Variants in SPAG16 observed in about 807,000 individuals in gnomAD.
The protein encoded by SPAG16 is sperm associated antigen 16, also known as sperm-associated antigen 16 protein.
A neutral mutation model predicts 80.4 loss-of-function variants in SPAG16; 86 were observed. The observed-to-expected ratio is 1.07, with a 90% confidence interval of 0.90 to 1.28. The LOEUF is 1.28. Ranked by LOEUF, SPAG16 falls within the 50% of genes most tolerant of loss-of-function variation. The pLI is 0.00. For synonymous variants in SPAG16, 294 were observed against 265.9 expected (o/e 1.11, Z -1.03); for missense variants, 870 against 765.3 (o/e 1.14, Z -1.61).
intron 8 of SPAG16, among the ~76,000 whole-genome samples, chr2:213,374,612 T>C (rs1199671651): frequency 6.6e-6 from 1 of 151,242 alleles, no homozygotes; most frequent in Non-Finnish European, 1.5e-5. Flanking sequence ...ACAATAATAT[T>C]TTATTAATAC....
chr2:213,439,158 C>A (rs2070798097), intron 9 of SPAG16, among the ~76,000 whole-genome samples: 1 of 152,146 alleles, frequency 6.6e-6, no homozygotes, highest in Admixed American at 6.5e-5. Context: ...CCCATGGTAA[C>A]TGTGAGATGA....
At chr2:213,411,038 T>C (rs1212577946) in intron 9 of SPAG16, among the ~76,000 whole-genome samples, 1 of 152,198 alleles carries the variant, frequency 6.6e-6, no homozygotes, top group Non-Finnish European at 1.5e-5. Context: ...TTCAAGAGCT[T>C]ATCAATCAGT....
At chr2:213,509,421 T>G (rs568320670) in intron 10 of SPAG16, among the ~76,000 whole-genome samples, 1 of 152,198 alleles carries the variant, frequency 6.6e-6, no homozygotes, top group South Asian at 2.1e-4. Flanking sequence ...TAGAGAGAAT[T>G]AAGGTCAAAA....
At chr2:213,836,210 A>G (rs1364033404) in intron 10 of SPAG16, among the ~76,000 whole-genome samples, 1 of 142,820 alleles carries the variant, frequency 7.0e-6, no homozygotes, top group Admixed American at 6.9e-5. Flanking sequence ...TGAGAGAATA[A>G]AAACAGTTTT....
At chr2:214,102,226 A>G (rs1339084911) in intron 13 of SPAG16, among the ~76,000 whole-genome samples, 2 of 151,372 alleles carry the variant, frequency 1.3e-5, no homozygotes, top group African/African-American at 4.9e-5. Flanking sequence ...TGGGGATGAG[A>G]AGACGGAGGA....
chr2:213,779,225 T>G (rs935267767), intron 10 of SPAG16, among the ~76,000 whole-genome samples: 4 of 152,234 alleles, frequency 2.6e-5, no homozygotes, highest in Non-Finnish European at 5.9e-5. Flanking sequence ...ATGTCCTTTA[T>G]TGAGTTCTTA....
chr2:213,534,261 A>T (rs1403516549), intron 10 of SPAG16, among the ~76,000 whole-genome samples: 1 of 151,934 alleles, frequency 6.6e-6, no homozygotes, highest in African/African-American at 2.4e-5. Flanking sequence ...CATTATGTGT[A>T]TTTTTTATAT....
intron 15 of SPAG16, among the ~76,000 whole-genome samples, chr2:214,319,626 A>G (rs2125991783): frequency 6.6e-6 from 1 of 152,270 alleles, no homozygotes; most frequent in African/African-American, 2.4e-5. Flanking sequence ...GACAGAAATG[A>G]AGATTATTTT....
chr2:213,292,682 A>AC lies in SPAG16; in HGVS notation c.137-3382_137-3381insC, dbSNP rs368366898. 5.4e-4 allele frequency among the ~76,000 whole-genome samples: 72 copies of AC among 134,270 alleles called. 1 individual carries two copies. The highest frequency in any genetic ancestry group is 2.2e-4 in the Non-Finnish European group (14 of 62,272). The allele number at this position is 134,270 out of a possible 152,430, so 88.1% of individuals were successfully genotyped here. On this transcript the variant is annotated intron_variant, in intron 1 of 15. Coordinates refer to ENST00000331683, the MANE Select transcript of SPAG16 (RefSeq NM_024532.5). ...CCGTCTCAAAAAAAAAAAACAAAAA[A>AC]AACAAAAAAAAACAAAACTATCAGA...
intron 10 of SPAG16, among the ~76,000 whole-genome samples, chr2:213,784,697 C>T (rs944574299): frequency 7.0e-6 from 1 of 143,584 alleles, no homozygotes; most frequent in African/African-American, 2.5e-5. Context: ...TGTTTGCTCT[C>T]TAAGAGATTC....
At chr2:213,961,467 C>CTTGCTCCT in intron 12 of SPAG16, among the ~76,000 whole-genome samples, 1 of 151,606 alleles carries the variant, frequency 6.6e-6, no homozygotes, top group Middle Eastern at 3.4e-3. Context: ...CCATCTTTGT[C>CTTGCTCCT]TTGCTCCTTA....
At chr2:213,374,988 A>G in intron 8 of SPAG16, 22 bp from the exon 9 acceptor site, 1 of 1,526,160 alleles carries the variant, frequency 6.6e-7, no homozygotes, top group Non-Finnish European at 8.9e-7. Context: ...AAATATTAAG[A>G]ATAAATTATA....
intron 11 of SPAG16, among the ~76,000 whole-genome samples, chr2:213,919,698 G>A (rs116743435): frequency 0.014 from 2,151 of 152,260 alleles, 43 homozygotes; most frequent in African/African-American, 0.049. Flanking sequence ...GCTGAGGATT[G>A]TTCTGTGTCT....
chr2:213,564,730 T>A (rs1017833370), intron 10 of SPAG16, among the ~76,000 whole-genome samples: 3 of 152,144 alleles, frequency 2.0e-5, no homozygotes, highest in African/African-American at 7.2e-5. Flanking sequence ...CTGTTTTGAG[T>A]ACTTAACGTT....
At chr2:214,119,818 G>C (rs1016600612) in intron 14 of SPAG16, among the ~76,000 whole-genome samples, 1 of 151,510 alleles carries the variant, frequency 6.6e-6, no homozygotes, top group Non-Finnish European at 1.5e-5. Flanking sequence ...AACTTTTTTT[G>C]GTCTTTGTAT....
intron 9 of SPAG16, among the ~76,000 whole-genome samples, chr2:213,377,690 C>T (rs2066947290): frequency 6.6e-6 from 1 of 151,818 alleles, no homozygotes; most frequent in African/African-American, 2.4e-5. Flanking sequence ...TACTTTTTCC[C>T]TAGTTTGCTA....
chr2:213,478,080 C>T (rs1423141635), intron 9 of SPAG16, among the ~76,000 whole-genome samples: 1 of 152,146 alleles, frequency 6.6e-6, no homozygotes, highest in Non-Finnish European at 1.5e-5. Context: ...TGTCCTGCTG[C>T]CCTGTGAAGA....
chr2:213,635,421 G>A (rs2062324491), intron 10 of SPAG16, among the ~76,000 whole-genome samples: 1 of 152,062 alleles, frequency 6.6e-6, no homozygotes, highest in South Asian at 2.1e-4. Flanking sequence ...TTTCCTCTAG[G>A]TAGATACTCA....
chr2:213,896,082 G>A (rs1053318733), intron 11 of SPAG16, among the ~76,000 whole-genome samples: 1 of 151,784 alleles, frequency 6.6e-6, no homozygotes, highest in Admixed American at 6.6e-5. Context: ...AATATATAAG[G>A]AGCTCAAACA....
Sources: gnomAD v4.1 joint callset for allele counts (sites outside exome capture counted in the v4.1 genomes callset) on GRCh38, gnomAD v4.1.1 for gene constraint, MANE v1.5 for transcripts, NCBI Gene and HGNC (gene_info 2026-07-23, HGNC 2026-07-21) for gene names.